Variants in C8orf34 observed in about 807,000 individuals in gnomAD.
C8orf34 encodes the protein chromosome 8 open reading frame 34, also known as uncharacterized protein C8orf34.
In C8orf34, 65 loss-of-function variants were observed where a neutral mutation model predicts 68.3. That is an observed-to-expected ratio of 0.95 (90% confidence interval 0.78 to 1.17). C8orf34 has a LOEUF of 1.17. C8orf34 is among the 50% of genes most tolerant of loss of function. The pLI is 0.00. For missense variants in C8orf34, 664 were observed against 655.4 expected (o/e 1.01, Z -0.14); for synonymous variants, 244 against 241.2 (o/e 1.01, Z -0.11).
In C8orf34 at chr8:68,610,951, G is replaced by A. The variant is rs576371752; in HGVS notation, c.1106-29425G>A. ...GCTATCTCAGCTCACTGCAACCTCCGCCTACCAGGGTCAAGCTATTCTCCT... is the reference window on the plus strand; with the variant it reads ...GCTATCTCAGCTCACTGCAACCTCCACCTACCAGGGTCAAGCTATTCTCCT... On this transcript the variant is annotated intron_variant, in intron 7 of 13. Coordinates refer to ENST00000518698, the MANE Select transcript of C8orf34 (RefSeq NM_052958.4). Among the ~76,000 whole-genome samples, 199 of 142,514 alleles carry A rather than the reference G, an allele frequency of 1.4e-3. 2 individuals carry two copies. Among genetic ancestry groups the A allele is most frequent in the African/African-American group, 5.0e-3 (188 of 37,974 alleles). The allele number at this position is 142,514 out of a possible 152,430, so 93.5% of individuals were successfully genotyped here. A position where few individuals can be genotyped will look rare whatever the true frequency, so the allele number is the denominator to read the frequency against.
chr8:68,373,100 A>G (rs1466225014), intron 1 of C8orf34, among the ~76,000 whole-genome samples: 1 of 152,078 alleles, frequency 6.6e-6, no homozygotes, highest in Non-Finnish European at 1.5e-5. Flanking sequence ...CATTCAATCA[A>G]TTCTCCTGCA....
intron 1 of C8orf34, among the ~76,000 whole-genome samples, chr8:68,406,072 G>A (rs1334026757): frequency 6.6e-6 from 1 of 152,164 alleles, no homozygotes; most frequent in East Asian, 1.9e-4. Flanking sequence ...GTGTCAGGAG[G>A]TGGGTTGTGT....
intron 11 of C8orf34, among the ~76,000 whole-genome samples, chr8:68,782,979 G>A (rs868641449): frequency 1.3e-4 from 19 of 151,686 alleles, no homozygotes; most frequent in Admixed American, 1.1e-3. Context: ...GGCTGAGAGG[G>A]GAGAATGGCT....
chr8:68,749,618 A>G (rs1822638939), intron 10 of C8orf34, among the ~76,000 whole-genome samples: 2 of 152,078 alleles, frequency 1.3e-5, no homozygotes, highest in South Asian at 4.2e-4. Context: ...CTGCTCTTAG[A>G]CCCAGGAAGC....
chr8:68,814,833 G>A (rs752229996), intron 12 of C8orf34, among the ~76,000 whole-genome samples: 3 of 152,120 alleles, frequency 2.0e-5, no homozygotes, highest in Non-Finnish European at 2.9e-5. Context: ...ACCAATGAAT[G>A]CTTTATAGGA....
chr8:68,517,038 TA>T (rs1301664721), intron 5 of C8orf34, among the ~76,000 whole-genome samples: 1 of 152,196 alleles, frequency 6.6e-6, no homozygotes, highest in East Asian at 1.9e-4. Context: ...TTTACATTAC[TA>T]AAGAATAATT....
rs116302308 is a variant in C8orf34 at position 68,570,487 on chromosome 8, T to C, written c.1105+37338T>C. Among the ~76,000 whole-genome samples, 1,255 of 152,318 alleles carry C rather than the reference T, an allele frequency of 8.2e-3. 21 individuals are homozygous for C. Among genetic ancestry groups the C allele is most frequent in the African/African-American group, 0.028 (1,183 of 41,566 alleles). On this transcript the variant is annotated intron_variant, in intron 7 of 13. Coordinates refer to ENST00000518698, the MANE Select transcript of C8orf34 (RefSeq NM_052958.4). ...AGGCACTCCTTATGCTAATAAAACA[T>C]TGTAAACCAATCTCATTGTGAGTAT...
chr8:68,627,956 A>G (rs368279194), intron 7 of C8orf34, among the ~76,000 whole-genome samples: 1 of 152,312 alleles, frequency 6.6e-6, no homozygotes, highest in South Asian at 2.1e-4. Context: ...TTTTCAGTTA[A>G]CAAGAGAAGA....
intron 10 of C8orf34, among the ~76,000 whole-genome samples, chr8:68,727,498 A>G (rs1395161259): frequency 1.3e-5 from 2 of 152,152 alleles, no homozygotes; most frequent in Admixed American, 1.3e-4. Flanking sequence ...CAGCTCCACT[A>G]TGTGGTGCCC....
At chr8:68,720,251 C>T (rs1468920060) in intron 9 of C8orf34, among the ~76,000 whole-genome samples, 2 of 151,962 alleles carry the variant, frequency 1.3e-5, no homozygotes, top group Non-Finnish European at 2.9e-5. Flanking sequence ...TTTACATCTA[C>T]ATAAACTGTG....
chr8:68,379,062 GAAGA>G (rs1178722270), intron 1 of C8orf34, among the ~76,000 whole-genome samples: 7 of 152,162 alleles, frequency 4.6e-5, no homozygotes, highest in African/African-American at 1.7e-4. Context: ...TTAGGATCTC[GAAGA>G]GAGAAGACTT....
chr8:68,807,263 T>C (rs894739896), intron 12 of C8orf34, among the ~76,000 whole-genome samples: 9 of 152,198 alleles, frequency 5.9e-5, no homozygotes, highest in African/African-American at 1.9e-4. Flanking sequence ...ACAAAAGAAT[T>C]TGAAGACTAT....
chr8:68,723,357 G>T (rs1227884711), intron 10 of C8orf34, among the ~76,000 whole-genome samples: 2 of 152,034 alleles, frequency 1.3e-5, no homozygotes, highest in Non-Finnish European at 2.9e-5. Context: ...ACATTGTGTA[G>T]TTTCAAAAAA....
chr8:68,442,033 A>G (rs1233358425), intron 2 of C8orf34, among the ~76,000 whole-genome samples: 3 of 152,198 alleles, frequency 2.0e-5, no homozygotes, highest in Non-Finnish European at 4.4e-5. Flanking sequence ...AATATCATAC[A>G]GATAATAATA....
chr8:68,473,017 C>T (rs1401737030), intron 4 of C8orf34, among the ~76,000 whole-genome samples: 1 of 152,140 alleles, frequency 6.6e-6, no homozygotes, highest in African/African-American at 2.4e-5. Context: ...CTCCAGACAT[C>T]ATTGGTTTTC....
At chr8:68,421,342 G>T (rs1424245190) in intron 1 of C8orf34, among the ~76,000 whole-genome samples, 3 of 152,192 alleles carry the variant, frequency 2.0e-5, no homozygotes, top group African/African-American at 7.2e-5. Context: ...TTATACCTCA[G>T]ATTGGGAGCC....
chr8:68,756,858 A>G (rs192454528), intron 10 of C8orf34, among the ~76,000 whole-genome samples: 174 of 152,340 alleles, frequency 1.1e-3, no homozygotes, highest in African/African-American at 3.7e-3. Context: ...TTGTTGCTCT[A>G]TGAAAATCTA....
chr8:68,458,781 T>G (rs1811659920), intron 3 of C8orf34, among the ~76,000 whole-genome samples: 1 of 152,244 alleles, frequency 6.6e-6, no homozygotes, highest in Non-Finnish European at 1.5e-5. Flanking sequence ...TACTCTCTGC[T>G]GCTAGCACAC....
intron 7 of C8orf34, among the ~76,000 whole-genome samples, chr8:68,614,140 GT>G (rs1202576256): frequency 6.6e-6 from 1 of 151,962 alleles, no homozygotes; most frequent in Non-Finnish European, 1.5e-5. Flanking sequence ...GGGATTGTTT[GT>G]TTTTTTCTTG....
Sources: allele counts gnomAD v4.1 joint callset (sites outside exome capture counted in the v4.1 genomes callset), GRCh38; gene constraint gnomAD v4.1.1; transcripts MANE v1.5; gene names NCBI Gene and HGNC (gene_info 2026-07-23, HGNC 2026-07-21).